AP1B1: variants seen among roughly 807,000 people sequenced by gnomAD.
AP1B1 encodes the protein adaptor related protein complex 1 subunit beta 1, also known as AP-1 complex subunit beta-1.
A neutral mutation model predicts 104.3 loss-of-function variants in AP1B1; 36 were observed. The ratio of observed to expected loss-of-function variants is 0.35; its 90% CI spans 0.26 to 0.46. The LOEUF (loss-of-function observed/expected upper bound fraction) is 0.46, where lower values mean the gene tolerates loss of function less well. AP1B1 is among the 20% of genes least tolerant of loss of function. AP1B1 has a pLI of 1.00. For synonymous variants in AP1B1, 504 were observed against 517.5 expected, an observed-to-expected ratio of 0.97 and a Z score of 0.35; for missense variants, 901 against 1,247.9, an observed-to-expected ratio of 0.72 and a Z score of 4.19.
At chr22:29,329,638 T>C (rs2061526979) in intron 22 of AP1B1, 74 bp downstream of exon 22, 5 of 1,603,938 alleles carry the variant, frequency 3.1e-6, no homozygotes, top group African/African-American at 2.7e-5. Flanking sequence ...ACAGGAGACA[T>C]GGGGTGCATG....
chr22:29,351,446 C>G, intron 8 of AP1B1, 180 bp from the exon 9 acceptor site: 1 of 870,790 alleles, frequency 1.1e-6, no homozygotes, highest in Non-Finnish European at 1.8e-6. Context: ...GCCTGGACAA[C>G]CTTGTTTGGG....
chr22:29,349,386 G>C lies in AP1B1; in HGVS notation c.1272-3C>G. ...GTGTGGCAATCACACTCTCATACCTGGGAGACCAGGGCACAGTTGGTATGG... is the reference window on the plus strand; with the variant it reads ...GTGTGGCAATCACACTCTCATACCTCGGAGACCAGGGCACAGTTGGTATGG... On this transcript the variant is annotated splice_region_variant and splice_polypyrimidine_tract_variant and intron_variant, in intron 10 of 22. Coordinates refer to ENST00000357586, the MANE Select transcript of AP1B1 (RefSeq NM_001127.4). 6.2e-7 allele frequency: 1 copy of C among 1,613,308 alleles called. No homozygotes were observed. The highest frequency in any genetic ancestry group is 2.2e-5 in the East Asian group (1 of 44,878).
intron 14 of AP1B1, among the ~76,000 whole-genome samples, chr22:29,340,312 C>T (rs544628592): frequency 4.6e-5 from 7 of 152,306 alleles, no homozygotes; most frequent in Admixed American, 6.5e-5. Context: ...CAGGAACACC[C>T]TAGCCTTACA....
chr22:29,348,956 TA>T (rs2147975798), intron 11 of AP1B1, among the ~76,000 whole-genome samples: 1 of 152,346 alleles, frequency 6.6e-6, no homozygotes, highest in East Asian at 1.9e-4. Context: ...TATTTCCTAT[TA>T]AAATATGACT....
At chr22:29,384,745 G>A (rs2148063570) in intron 1 of AP1B1, among the ~76,000 whole-genome samples, 1 of 152,252 alleles carries the variant, frequency 6.6e-6, no homozygotes, top group Non-Finnish European at 1.5e-5. Flanking sequence ...GCAGGTGCCT[G>A]TAATCCCAGC....
intron 1 of AP1B1, among the ~76,000 whole-genome samples, chr22:29,376,472 T>C (rs559028048): frequency 1.3e-5 from 2 of 152,312 alleles, no homozygotes; most frequent in South Asian, 2.1e-4. Context: ...GTTGCATCTC[T>C]ATCTCTGAAC....
At chr22:29,358,596 G>A (rs2061995570) in intron 5 of AP1B1, 130 bp downstream of exon 5, 11 of 1,287,656 alleles carry the variant, frequency 8.5e-6, no homozygotes, top group Non-Finnish European at 1.2e-5. Flanking sequence ...AAAGGCACAA[G>A]AACAACTGGC....
intron 13 of AP1B1, 51 bp downstream of exon 13, chr22:29,341,450 A>G: frequency 1.3e-6 from 2 of 1,580,572 alleles, no homozygotes; most frequent in Non-Finnish European, 1.7e-6. Context: ...GTGCTGCTAA[A>G]CTGGGGAAGC....
intron 2 of AP1B1, among the ~76,000 whole-genome samples, chr22:29,366,724 G>A (rs1482038272): frequency 6.6e-6 from 1 of 151,924 alleles, no homozygotes; most frequent in African/African-American, 2.4e-5. Context: ...ACTTCAACTC[G>A]AGAGGCGGAG....
chr22:29,383,436 T>C (rs536954409), intron 1 of AP1B1, among the ~76,000 whole-genome samples: 1 of 152,026 alleles, frequency 6.6e-6, no homozygotes, highest in Admixed American at 6.6e-5. Flanking sequence ...CTGGGCCGGG[T>C]GCGGTGGCTC....
chr22:29,346,794 TGGGG>T (rs112494263), intron 11 of AP1B1, among the ~76,000 whole-genome samples: 1 of 147,586 alleles, frequency 6.8e-6, no homozygotes, highest in Non-Finnish European at 1.5e-5. Flanking sequence ...CAGGTGGCAG[TGGGG>T]GGGGGTGACG....
intron 16 of AP1B1, among the ~76,000 whole-genome samples, chr22:29,337,710 G>A (rs1445467006): frequency 6.6e-6 from 1 of 152,156 alleles, no homozygotes; most frequent in African/African-American, 2.4e-5. Context: ...AGGCCCGCAT[G>A]TCCTCACATC....
rs199966521 is a variant in AP1B1 at position 29,341,784 on chromosome 22, A to G, written c.1537-24T>C. 9.3e-5 allele frequency: 147 copies of G among 1,588,632 alleles called. No individual in the cohort carries two copies. The East Asian group carries it at 3.3e-3, about 36-fold the overall frequency. ...TCCTTGTGGGGGTGAGGAGAAGCCCATGAAACTCAGAGTAGCCAGGTGAGA... is the reference window on the plus strand; with the variant it reads ...TCCTTGTGGGGGTGAGGAGAAGCCCGTGAAACTCAGAGTAGCCAGGTGAGA... On this transcript the variant is annotated intron_variant, in intron 12 of 22. Coordinates refer to ENST00000357586, the MANE Select transcript of AP1B1 (RefSeq NM_001127.4).
intron 3 of AP1B1, among the ~76,000 whole-genome samples, chr22:29,362,487 C>G (rs1024748672): frequency 6.6e-6 from 1 of 152,086 alleles, no homozygotes; most frequent in Non-Finnish European, 1.5e-5. Context: ...GCTGAGACTA[C>G]AGGCATGCGC....
At chr22:29,374,227 T>C (rs921484482) in intron 1 of AP1B1, among the ~76,000 whole-genome samples, 1 of 151,594 alleles carries the variant, frequency 6.6e-6, no homozygotes, top group African/African-American at 2.4e-5. Context: ...TTTAAAAAAA[T>C]AACAAAATAA....
intron 7 of AP1B1, among the ~76,000 whole-genome samples, chr22:29,354,314 C>T (rs1284892292): frequency 6.6e-6 from 1 of 152,178 alleles, no homozygotes; most frequent in African/African-American, 2.4e-5. Context: ...TTAGGTTAAG[C>T]CAGGGCTTCT....
At position 29,353,818 on chromosome 22, in the gene AP1B1, C is replaced by T. The variant is rs149070393; in HGVS notation, c.938+832G>A. Reference sequence around the variant, plus strand: ...AATGGTTGCTACTGTCAAGTCCCCACGAATGATCAATGGTTGCTACTGTCA... The same window carrying T: ...AATGGTTGCTACTGTCAAGTCCCCATGAATGATCAATGGTTGCTACTGTCA... On this transcript the variant is annotated intron_variant, in intron 7 of 22. Transcript: ENST00000357586. Among the ~76,000 whole-genome samples the T allele has an allele frequency of 4.3e-4, 66 of 152,270 alleles. No homozygotes were observed. In the East Asian group the frequency reaches 4.8e-3, roughly 11 times the overall value.
intron 1 of AP1B1, 133 bp from the exon 2 acceptor site, chr22:29,367,403 A>C: frequency 1.9e-6 from 1 of 513,820 alleles, no homozygotes; most frequent in Non-Finnish European, 3.5e-6. Context: ...TCCTGGAGAA[A>C]CAAACTTTAG....
chr22:29,385,281 G>C (rs2062504112), intron 1 of AP1B1, among the ~76,000 whole-genome samples: 1 of 152,216 alleles, frequency 6.6e-6, no homozygotes, highest in Non-Finnish European at 1.5e-5. Context: ...AGCTACTTGG[G>C]AGGCTGAGGC....
Sources: gnomAD v4.1 joint callset for allele counts (sites outside exome capture counted in the v4.1 genomes callset) on GRCh38, gnomAD v4.1.1 for gene constraint, MANE v1.5 for transcripts, NCBI Gene and HGNC (gene_info 2026-07-23, HGNC 2026-07-21) for gene names.